The following DPP6 variants were observed in gnomAD, a reference collection of about 807,000 sequenced individuals.
DPP6 encodes A-type potassium channel modulatory protein DPP6.
DPP6 carries 69 observed loss-of-function variants against 122.6 expected under a neutral mutation model. That is an observed-to-expected ratio of 0.56 (90% CI 0.46 to 0.69). The LOEUF (loss-of-function observed/expected upper bound fraction) is 0.69. DPP6 is among the 30% of genes least tolerant of loss of function. The pLI is 0.00. For synonymous variants in DPP6, 418 were observed against 433.1 expected (o/e 0.97, Z 0.43); for missense variants, 928 against 1,116.9 (o/e 0.83, Z 2.41).
At chr7:154,711,112 G>A (rs1841151449) in intron 7 of DPP6, among the ~76,000 whole-genome samples, 2 of 152,336 alleles carry the variant, frequency 1.3e-5, no homozygotes, top group African/African-American at 4.8e-5. Flanking sequence ...CTTGACATTA[G>A]GAAAGCCGCT....
At chr7:153,882,985 G>A (rs887636487), upstream of DPP6, among the ~76,000 whole-genome samples, 1 of 152,198 alleles carries the variant, frequency 6.6e-6, no homozygotes, top group Admixed American at 6.5e-5. Context: ...AGATAAACAT[G>A]CTATTCCTGT....
At chr7:154,320,519 TG>T (rs1414782689) in intron 1 of DPP6, among the ~76,000 whole-genome samples, 1 of 152,200 alleles carries the variant, frequency 6.6e-6, no homozygotes, top group African/African-American at 2.4e-5. Context: ...AATTTTCCTC[TG>T]TTGCCCAGGT....
At chr7:154,494,106 C>G (rs999504258) in intron 3 of DPP6, among the ~76,000 whole-genome samples, 14 of 152,272 alleles carry the variant, frequency 9.2e-5, no homozygotes, top group African/African-American at 3.4e-4. Context: ...GTAATCCCAG[C>G]CCTTTGGGAG....
In DPP6 at chr7:154,877,421, ACACACAC is replaced by A. The variant is rs1804975289; in HGVS notation, c.2078+1322_2078+1328del. On this transcript the variant is annotated intron_variant, in intron 20 of 25. Transcript: ENST00000377770. The surrounding 1 kb of genome is among the most constrained non-coding windows in gnomAD (Gnocchi z 5.2). ...TGTGTGCGTGCACACACACACACAC[ACACACAC>A]ACACCTCTCAAATAAGGAACTATAT... is the stretch of plus-strand genomic sequence containing the variant. Among the ~76,000 whole-genome samples the A allele has an allele frequency of 6.6e-6, 1 of 152,160 alleles. No individual in the cohort carries two copies. Among genetic ancestry groups the A allele is most frequent in the South Asian group, 2.1e-4 (1 of 4,816 alleles).
intron 5 of DPP6, among the ~76,000 whole-genome samples, chr7:154,586,752 G>A (rs912203196): frequency 5.3e-5 from 8 of 152,120 alleles, no homozygotes; most frequent in Non-Finnish European, 1.0e-4. Flanking sequence ...TCCTCCACCT[G>A]GATCTCCTTC....
the DPP6 span, among the ~76,000 whole-genome samples, chr7:153,791,174 C>T: frequency 6.6e-6 from 1 of 152,252 alleles, no homozygotes; most frequent in East Asian, 1.9e-4. Flanking sequence ...CATTGATACT[C>T]TTAACGTAGT....
intron 1 of DPP6, among the ~76,000 whole-genome samples, chr7:154,140,737 A>C (rs1384992607): frequency 6.6e-6 from 1 of 152,206 alleles, no homozygotes; most frequent in Non-Finnish European, 1.5e-5. Flanking sequence ...AACACTCAAA[A>C]ATTTTTTTAA....
intron 16 of DPP6, among the ~76,000 whole-genome samples, chr7:154,814,984 T>C (rs1799322032): frequency 6.6e-6 from 1 of 152,174 alleles, no homozygotes; most frequent in Non-Finnish European, 1.5e-5. Flanking sequence ...TAAGGTCACA[T>C]TCACAGGAAC....
intron 1 of DPP6, among the ~76,000 whole-genome samples, chr7:154,357,075 T>C (rs1189051896): frequency 1.3e-5 from 2 of 152,198 alleles, no homozygotes; most frequent in African/African-American, 4.8e-5. Flanking sequence ...GAAATTAAGC[T>C]ACTGTATTTG....
chr7:154,826,011 A>T (rs756093173), intron 16 of DPP6, among the ~76,000 whole-genome samples: 2 of 152,218 alleles, frequency 1.3e-5, no homozygotes, highest in Non-Finnish European at 2.9e-5. Context: ...CCTAGTGAGT[A>T]ACTGCAGAGG....
chr7:153,791,924 T>G, the DPP6 span, among the ~76,000 whole-genome samples: 1 of 152,222 alleles, frequency 6.6e-6, no homozygotes, highest in African/African-American at 2.4e-5. Flanking sequence ...ATCTCCAGTC[T>G]GAATGGCAGA....
chr7:154,834,311 C>CAAAAAAAA (rs3054390), intron 16 of DPP6, among the ~76,000 whole-genome samples: 1 of 134,566 alleles, frequency 7.4e-6, no homozygotes, highest in Non-Finnish European at 1.6e-5. Context: ...CTACTAAATA[C>CAAAAAAAA]AAAAAAAAAA....
chr7:154,715,959 T>C (rs1438809068), intron 7 of DPP6, among the ~76,000 whole-genome samples: 2 of 152,294 alleles, frequency 1.3e-5, no homozygotes, highest in South Asian at 2.1e-4. Flanking sequence ...TAGTAACCCG[T>C]ACATTCTGTC....
intron 7 of DPP6, among the ~76,000 whole-genome samples, chr7:154,683,967 C>G (rs1015477551): frequency 6.6e-6 from 1 of 152,196 alleles, no homozygotes; most frequent in Non-Finnish European, 1.5e-5. Flanking sequence ...CTCCTTGGCT[C>G]AAGCGATCCT....
chr7:154,746,181 TG>T (rs1315283012), intron 8 of DPP6, among the ~76,000 whole-genome samples: 1 of 152,172 alleles, frequency 6.6e-6, no homozygotes, highest in Non-Finnish European at 1.5e-5. Flanking sequence ...CTTCTCTTTG[TG>T]GGGAGACATG....
intron 1 of DPP6, among the ~76,000 whole-genome samples, chr7:154,101,811 C>G (rs1288270904): frequency 2.0e-5 from 3 of 151,512 alleles, no homozygotes; most frequent in Non-Finnish European, 4.4e-5. Flanking sequence ...GCATGTAATC[C>G]CAGCTTCTCG....
intron 7 of DPP6, among the ~76,000 whole-genome samples, chr7:154,696,740 C>T (rs534910890): frequency 1.5e-4 from 23 of 152,340 alleles, no homozygotes; most frequent in African/African-American, 5.5e-4. Flanking sequence ...GAGGATGTGA[C>T]TCATACTATG....
intron 1 of DPP6, chr7:154,058,452 C>G (rs1801117125): frequency 7.0e-6 from 1 of 142,668 alleles, no homozygotes; most frequent in Non-Finnish European, 1.5e-5. Context: ...CTCTTCCGCA[C>G]CTGGCTGTTG....
At chr7:153,886,537 G>C (rs1282773008), upstream of DPP6, among the ~76,000 whole-genome samples, 1 of 152,190 alleles carries the variant, frequency 6.6e-6, no homozygotes, top group East Asian at 1.9e-4. Flanking sequence ...GCCGAGGGAC[G>C]CGGCTGGGGC....
Sources: allele counts gnomAD v4.1 joint callset (sites outside exome capture counted in the v4.1 genomes callset), GRCh38; gene constraint gnomAD v4.1.1; non-coding constraint Gnocchi (gnomAD v3.1); transcripts MANE v1.5; gene names NCBI Gene and HGNC (gene_info 2026-07-23, HGNC 2026-07-21).